The following SLC35D2 variants were observed in gnomAD, a reference collection of about 807,000 sequenced individuals.
SLC35D2 encodes nucleotide sugar transporter SLC35D2.
Under a neutral mutation model 41.8 loss-of-function variants are expected in SLC35D2, and 43 were observed. The ratio of observed to expected loss-of-function variants is 1.03; its 90% CI spans 0.81 to 1.33. The LOEUF (loss-of-function observed/expected upper bound fraction) is 1.33. Ranked by LOEUF, SLC35D2 falls within the 40% of genes most tolerant of loss-of-function variation. SLC35D2 has a pLI of 0.00. For missense variants in SLC35D2, 380 were observed against 408.4 expected (o/e 0.93, Z 0.60); for synonymous variants, 150 against 163.9 (o/e 0.92, Z 0.65).
At chr9:96,357,636 G>C (rs74383718) in intron 4 of SLC35D2, 6 of 152,138 alleles carry the variant, frequency 3.9e-5, no homozygotes, top group African/African-American at 1.4e-4. Flanking sequence ...TTAGAAGAAA[G>C]TATAGAAGTA....
At position 96,364,500 on chromosome 9, in the gene SLC35D2, A is replaced by G. The variant is rs1564120029; in HGVS notation, c.243T>C (p.Ile81=). Residue 81 remains isoleucine, a synonymous_variant, in exon 3 of 12, where the codon ATT becomes ATC. Coordinates refer to ENST00000253270, the MANE Select transcript of SLC35D2 (RefSeq NM_007001.3). ...TTTTCTTATCAAAATCAGGGAAGTG[A>G]ATGATTTTGTTTAGCTTGGACACAT... The part of the protein sequence containing the change: ...ILYVSKLNKI[I]HFPDFDKKIP... 1 of 1,605,764 alleles carries G rather than the reference A, an allele frequency of 6.2e-7. No homozygotes were observed.
intron 8 of SLC35D2, among the ~76,000 whole-genome samples, chr9:96,337,317 G>A (rs930490768): frequency 2.6e-5 from 4 of 151,874 alleles, no homozygotes; most frequent in Admixed American, 6.6e-5. Context: ...GGATCAATCA[G>A]TTCCTCCCAC....
At chr9:96,377,006 AG>A (rs1564130093) in intron 1 of SLC35D2, among the ~76,000 whole-genome samples, 1 of 150,760 alleles carries the variant, frequency 6.6e-6, no homozygotes, top group Non-Finnish European at 1.5e-5. Flanking sequence ...AGCAAGCAGA[AG>A]ACAAGTGCAT....
At chr9:96,362,108 T>A (rs1830301547) in intron 3 of SLC35D2, among the ~76,000 whole-genome samples, 1 of 152,194 alleles carries the variant, frequency 6.6e-6, no homozygotes, top group Non-Finnish European at 1.5e-5. Context: ...ACAACACAGA[T>A]GAATTTCACC....
Position 96,383,324 on chromosome 9 carries a change from C to A in SLC35D2, c.158+153G>T, listed in dbSNP as rs570898174. Among the ~76,000 whole-genome samples the A allele has an allele frequency of 3.3e-5, 5 of 152,234 alleles. No homozygotes were observed. The South Asian group carries it at 1.0e-3, about 32-fold the overall frequency. ...CTGAGTGTAGAAAGCTGAGCGAGTT[C>A]TGGAGGGCGCCTGGGAAACTCGACC... On this transcript the variant is annotated intron_variant, in intron 1 of 11. Coordinates refer to ENST00000253270, the MANE Select transcript of SLC35D2 (RefSeq NM_007001.3).
At chr9:96,378,268 T>TAAAA (rs560408413) in intron 1 of SLC35D2, among the ~76,000 whole-genome samples, 1 of 121,204 alleles carries the variant, frequency 8.3e-6, no homozygotes. Flanking sequence ...ACTCCATCTC[T>TAAAA]AAAAAAAAAA....
At chr9:96,363,168 ATTT>A (rs1198865886) in intron 3 of SLC35D2, among the ~76,000 whole-genome samples, 3 of 131,416 alleles carry the variant, frequency 2.3e-5, no homozygotes, top group Non-Finnish European at 1.7e-5. Flanking sequence ...CACCTGGCTT[ATTT>A]TTTTTTTTTT....
chr9:96,345,515 C>T lies in SLC35D2; in HGVS notation c.489-114G>A, dbSNP rs1829536030. The T allele has an allele frequency of 7.4e-6, 5 of 673,752 alleles. No individual in the cohort carries two copies. In the South Asian group the frequency reaches 8.5e-5, roughly 11 times the overall value. The allele number at this position is 673,752 out of a possible 1,614,324, so 41.7% of individuals were successfully genotyped here. ...ACCCACTTTTCTGTGGCACACTTTCCCCGCTTTGTGGTAGTGAATGATTAA... is the reference window on the plus strand; with the variant it reads ...ACCCACTTTTCTGTGGCACACTTTCTCCGCTTTGTGGTAGTGAATGATTAA... On this transcript the variant is annotated intron_variant, in intron 6 of 11. Transcript: ENST00000253270.
intron 11 of SLC35D2, among the ~76,000 whole-genome samples, chr9:96,321,716 A>G (rs1828238023): frequency 6.6e-6 from 1 of 152,044 alleles, no homozygotes; most frequent in Non-Finnish European, 1.5e-5. Flanking sequence ...AACACCCTCC[A>G]CTTTATAGGA....
intron 3 of SLC35D2, 65 bp from the exon 4 acceptor site, chr9:96,360,286 T>C: frequency 2.4e-6 from 3 of 1,261,688 alleles, no homozygotes; most frequent in Non-Finnish European, 2.2e-6. Flanking sequence ...CCTTCACATA[T>C]AAAAATGGTG....
chr9:96,337,180 A>G (rs1354458951), intron 8 of SLC35D2, among the ~76,000 whole-genome samples: 1 of 152,140 alleles, frequency 6.6e-6, no homozygotes, highest in East Asian at 1.9e-4. Context: ...TTTATTTTTT[A>G]TAAATCGTTT....
At position 96,383,537 on chromosome 9, in the gene SLC35D2, A is replaced by C. The variant is rs954594908; in HGVS notation, c.98T>G (p.Phe33Cys). 1 of 1,514,306 alleles carries C rather than the reference A, an allele frequency of 6.6e-7. No individual in the cohort carries two copies. Among genetic ancestry groups the C allele is most frequent in the East Asian group, 2.8e-5 (1 of 35,778 alleles). 93.8% of individuals were successfully genotyped at this position (1,514,306 alleles called of 1,614,324 possible). A position where few individuals can be genotyped will look rare whatever the true frequency, so the allele number is the denominator to read the frequency against. Reference sequence around the variant, plus strand: ...GATGAGGAAGGAGCAGGTCCCGTAGAAGAGCGCCGACAGCAGCCGGGCCAC... The same window carrying C: ...GATGAGGAAGGAGCAGGTCCCGTAGCAGAGCGCCGACAGCAGCCGGGCCAC... ...SRVARLLSAL[F>C]YGTCSFLIVL... Residue 33 changes from phenylalanine to cysteine, a missense_variant, in exon 1 of 12, where the codon TTC (phenylalanine) becomes TGC (cysteine). Coordinates refer to ENST00000253270, the MANE Select transcript of SLC35D2 (RefSeq NM_007001.3).
At chr9:96,327,996 T>C (rs781012984) in intron 9 of SLC35D2, among the ~76,000 whole-genome samples, 2 of 152,114 alleles carry the variant, frequency 1.3e-5, no homozygotes, top group Non-Finnish European at 2.9e-5. Context: ...AGTAGCAGTA[T>C]ATTACATTTT....
chr9:96,361,925 T>C (rs1010917154), intron 3 of SLC35D2, among the ~76,000 whole-genome samples: 4 of 152,136 alleles, frequency 2.6e-5, no homozygotes, highest in African/African-American at 9.7e-5. Flanking sequence ...CCGGGGGTAT[T>C]TTGTTACGGC....
intron 5 of SLC35D2, 23 bp downstream of exon 5, chr9:96,352,015 G>A (rs1039918800): frequency 2.1e-5 from 32 of 1,552,074 alleles, no homozygotes; most frequent in Non-Finnish European, 2.8e-5. Flanking sequence ...CACACTGGAA[G>A]AATGGAGGAA....
intron 1 of SLC35D2, among the ~76,000 whole-genome samples, chr9:96,371,429 C>T (rs1587718835): frequency 7.9e-6 from 1 of 127,278 alleles, no homozygotes; most frequent in East Asian, 2.5e-4. Flanking sequence ...TGAGATCACG[C>T]CACTGCACTC....
rs1829064926 is a variant in SLC35D2, at chr9:96,336,703, C to T, written c.752+14G>A. ...ACTGTTGACCAATGCTTCTACTTAT[C>T]TATGGTTTCTTACCCCAAAAAACAG... On this transcript the variant is annotated intron_variant, in intron 9 of 11. Coordinates refer to ENST00000253270, the MANE Select transcript of SLC35D2 (RefSeq NM_007001.3). The T allele has an allele frequency of 1.3e-6, 2 of 1,490,980 alleles. No homozygotes were observed. The highest frequency in any genetic ancestry group is 1.9e-6 in the Non-Finnish European group (2 of 1,077,806). 92.4% of individuals were successfully genotyped at this position (1,490,980 alleles called of 1,614,324 possible). A position where few individuals can be genotyped will look rare whatever the true frequency, so the allele number is the denominator to read the frequency against.
At chr9:96,326,677 C>A (rs568414989) in intron 9 of SLC35D2, among the ~76,000 whole-genome samples, 1 of 151,794 alleles carries the variant, frequency 6.6e-6, no homozygotes, top group Non-Finnish European at 1.5e-5. Flanking sequence ...TGGTGGCATG[C>A]GCCTGTAATC....
In SLC35D2 at chr9:96,324,101, C is replaced by G; in HGVS notation, c.821G>C (p.Gly274Ala). 1 of 1,613,836 alleles carries G rather than the reference C, an allele frequency of 6.2e-7. No homozygotes were observed. The highest frequency in any genetic ancestry group is 1.1e-5 in the South Asian group (1 of 91,058). Reference protein sequence around the residue: ...YNSALTTAVVGAIKNVSVAYI... With the variant: ...YNSALTTAVVAAIKNVSVAYI... ...TTTCCATCCACTCACCTTGATGGCT[C>G]CAACCACTGCTGTCGTCAGGGCTGA... The change falls in exon 10 of 12, where the codon GGA becomes GCA. Residue 274 changes from glycine (G) to alanine (A), a missense_variant. Transcript: ENST00000253270.
Sources: allele counts gnomAD v4.1 joint callset (sites outside exome capture counted in the v4.1 genomes callset), GRCh38; gene constraint gnomAD v4.1.1; transcripts MANE v1.5; gene names NCBI Gene and HGNC (gene_info 2026-07-23, HGNC 2026-07-21).